Variants in ASIC2 observed in about 807,000 individuals in gnomAD.
ASIC2 encodes the protein acid sensing ion channel subunit 2, also known as acid-sensing ion channel 2.
ASIC2 carries 25 observed loss-of-function variants against 57.3 expected under a neutral mutation model. The ratio of observed to expected loss-of-function variants is 0.44; its 90% CI spans 0.32 to 0.61. The LOEUF (loss-of-function observed/expected upper bound fraction) is 0.61, where lower values mean the gene tolerates loss of function less well. Among genes scored for constraint, ASIC2 ranks in the 20% least tolerant of loss-of-function variants. The pLI, the probability that ASIC2 is intolerant of heterozygous loss-of-function variation, is 0.06. For missense variants in ASIC2, 641 were observed against 738.1 expected, an observed-to-expected ratio of 0.87 and a Z score of 1.52; for synonymous variants, 319 against 307.5, an observed-to-expected ratio of 1.04 and a Z score of -0.39.
intron 1 of ASIC2, among the ~76,000 whole-genome samples, chr17:33,335,164 C>T (rs1471340612): frequency 4.6e-5 from 7 of 152,150 alleles, no homozygotes; most frequent in Admixed American, 6.6e-5. Flanking sequence ...ATAGCATTAG[C>T]GCTAGCGTCC....
intron 1 of ASIC2, among the ~76,000 whole-genome samples, chr17:34,077,875 G>A (rs1480737530): frequency 2.6e-5 from 4 of 152,156 alleles, no homozygotes; most frequent in African/African-American, 9.6e-5. Flanking sequence ...GGCTCCCAGC[G>A]ACCCCAGAAC....
intron 3 of ASIC2, among the ~76,000 whole-genome samples, chr17:33,031,552 C>T (rs958603558): frequency 6.6e-6 from 1 of 152,076 alleles, no homozygotes; most frequent in Non-Finnish European, 1.5e-5. Context: ...TCCACGTGCA[C>T]CTGAAAAGTA....
At chr17:33,474,177 G>T (rs1220829264) in intron 1 of ASIC2, among the ~76,000 whole-genome samples, 3 of 152,132 alleles carry the variant, frequency 2.0e-5, no homozygotes, top group Non-Finnish European at 4.4e-5. Context: ...GACCAGCCTG[G>T]ACTACATGGT....
At chr17:33,261,407 C>A (rs912542121) in intron 1 of ASIC2, among the ~76,000 whole-genome samples, 4 of 152,164 alleles carry the variant, frequency 2.6e-5, no homozygotes, top group Non-Finnish European at 5.9e-5. Flanking sequence ...TCCTTGTCCT[C>A]ATGGAGCTTC....
At chr17:33,542,951 C>T (rs1297182092) in intron 1 of ASIC2, among the ~76,000 whole-genome samples, 1 of 151,802 alleles carries the variant, frequency 6.6e-6, no homozygotes, top group African/African-American at 2.4e-5. Context: ...GAATACTATG[C>T]AGCCATAAAA....
intron 1 of ASIC2, among the ~76,000 whole-genome samples, chr17:33,507,689 G>A (rs1258559005): frequency 2.0e-5 from 3 of 152,076 alleles, no homozygotes; most frequent in Non-Finnish European, 4.4e-5. Flanking sequence ...GGAGCACAAG[G>A]TCAGGAGTTC....
intron 1 of ASIC2, among the ~76,000 whole-genome samples, chr17:34,054,506 C>T (rs955841119): frequency 6.6e-6 from 1 of 152,146 alleles, no homozygotes; most frequent in Non-Finnish European, 1.5e-5. Flanking sequence ...AGCTGCTAAA[C>T]TCATACTGGT....
intron 1 of ASIC2, among the ~76,000 whole-genome samples, chr17:33,540,356 C>T (rs918319869): frequency 6.6e-6 from 1 of 152,064 alleles, no homozygotes; most frequent in African/African-American, 2.4e-5. Flanking sequence ...ATCCTATTTC[C>T]AAATAAGCTC....
chr17:33,692,259 A>T (rs1041076232), intron 1 of ASIC2: 2 of 152,054 alleles, frequency 1.3e-5, no homozygotes, highest in Middle Eastern at 6.8e-3. Context: ...TATCCTCTTC[A>T]CCCTCTTCAC....
intron 1 of ASIC2, among the ~76,000 whole-genome samples, chr17:33,526,511 C>T (rs1914888526): frequency 6.6e-6 from 1 of 152,170 alleles, no homozygotes; most frequent in Non-Finnish European, 1.5e-5. Flanking sequence ...GGCTCTTCTG[C>T]TTTTTCTTTG....
intron 1 of ASIC2, among the ~76,000 whole-genome samples, chr17:33,662,932 T>C (rs188471608): frequency 1.0e-3 from 157 of 152,012 alleles, no homozygotes; most frequent in Non-Finnish European, 1.7e-3. Context: ...TTCAAAAGGG[T>C]TCGTATTCAA....
intron 1 of ASIC2, among the ~76,000 whole-genome samples, chr17:34,047,191 G>A (rs956258091): frequency 7.2e-5 from 11 of 151,964 alleles, no homozygotes; most frequent in Non-Finnish European, 1.3e-4. Flanking sequence ...CATTACCAGG[G>A]CTACCCATTC....
intron 1 of ASIC2, among the ~76,000 whole-genome samples, chr17:33,634,397 AAGTT>A (rs773889827): frequency 2.0e-5 from 3 of 152,226 alleles, no homozygotes; most frequent in Non-Finnish European, 2.9e-5. Flanking sequence ...CCCTTCACCT[AAGTT>A]AGTAACAATA....
At chr17:34,070,082 CT>C (rs1328921612) in intron 1 of ASIC2, 3 of 152,098 alleles carry the variant, frequency 2.0e-5, no homozygotes, top group African/African-American at 7.2e-5. Flanking sequence ...CACCTGTATA[CT>C]TTAGAGACAG....
At chr17:33,435,709 C>T (rs1467441004) in intron 1 of ASIC2, among the ~76,000 whole-genome samples, 1 of 152,190 alleles carries the variant, frequency 6.6e-6, no homozygotes, top group Non-Finnish European at 1.5e-5. Flanking sequence ...ACAAACCAGA[C>T]TGAATTAGGA....
intron 1 of ASIC2, among the ~76,000 whole-genome samples, chr17:34,059,278 T>C (rs1311283034): frequency 6.6e-6 from 1 of 152,122 alleles, no homozygotes; most frequent in Non-Finnish European, 1.5e-5. Flanking sequence ...GCTTCTGACT[T>C]TACCTGAAGC....
At chr17:33,017,555 T>C (rs754239246) in intron 8 of ASIC2, 50 bp downstream of exon 8, 6 of 1,510,218 alleles carry the variant, frequency 4.0e-6, no homozygotes, top group Non-Finnish European at 5.5e-6. Context: ...TGGGGCACGA[T>C]GAGGGCACCA....
chr17:33,249,183 A>G (rs937325700), intron 1 of ASIC2, among the ~76,000 whole-genome samples: 9 of 152,136 alleles, frequency 5.9e-5, no homozygotes, highest in Non-Finnish European at 1.3e-4. Context: ...CACTTGAACA[A>G]CTGGAAGGAT....
chr17:33,297,823 AAAATAAATAAATAAAT>A (rs200008797), upstream of ASIC2, among the ~76,000 whole-genome samples: 185 of 141,566 alleles, frequency 1.3e-3, 1 homozygote, highest in Middle Eastern at 7.3e-3. Flanking sequence ...ACCCTGTCTC[AAAATAAATAAATAAAT>A]AAATAAATAA....
Sources: allele counts gnomAD v4.1 joint callset (sites outside exome capture counted in the v4.1 genomes callset), GRCh38; gene constraint gnomAD v4.1.1; transcripts MANE v1.5; gene names NCBI Gene and HGNC (gene_info 2026-07-23, HGNC 2026-07-21).